Variants in SWT1 observed in about 807,000 individuals in gnomAD.
SWT1 encodes the protein transcriptional protein SWT1.
A neutral mutation model predicts 107.3 loss-of-function variants in SWT1; 33 were observed. The ratio of observed to expected loss-of-function variants is 0.31; its 90% CI spans 0.23 to 0.41. The LOEUF is 0.41. Ranked by LOEUF, SWT1 falls within the 10% of genes least tolerant of loss-of-function variation. SWT1 has a pLI of 1.00. For synonymous variants in SWT1, 345 were observed against 348.3 expected (o/e 0.99, Z 0.11); for missense variants, 898 against 1,028.9 (o/e 0.87, Z 1.74).
chr1:185,217,266 G>A lies in SWT1; in HGVS notation c.2121+2611G>A, dbSNP rs550235513. ...TAAAACAGGGGTCCACAACCCCTGG[G>A]CCATGACTGGTATTGGCATAGCAGG... On this transcript the variant is annotated intron_variant, in intron 14 of 18. Coordinates refer to ENST00000367500, the MANE Select transcript of SWT1 (RefSeq NM_017673.7). Among the ~76,000 whole-genome samples the A allele has an allele frequency of 1.3e-4, 20 of 152,266 alleles. No homozygotes were observed. The South Asian group carries it at 3.7e-3, about 28-fold the overall frequency.
chr1:185,236,941 C>G (rs1660926918), intron 16 of SWT1, among the ~76,000 whole-genome samples: 1 of 152,056 alleles, frequency 6.6e-6, no homozygotes, highest in East Asian at 1.9e-4. Flanking sequence ...ATTTATGCAG[C>G]CAACAAACAT....
intron 16 of SWT1, among the ~76,000 whole-genome samples, chr1:185,259,888 C>T (rs1299317985): frequency 6.6e-6 from 1 of 152,082 alleles, no homozygotes; most frequent in Non-Finnish European, 1.5e-5. Flanking sequence ...ATTCATATTT[C>T]CCTAAAGAGA....
At chr1:185,165,059 T>A (rs1188822561) in intron 2 of SWT1, among the ~76,000 whole-genome samples, 1 of 152,212 alleles carries the variant, frequency 6.6e-6, no homozygotes, top group African/African-American at 2.4e-5. Context: ...GGGTCATTAG[T>A]AGGCTTAATT....
intron 16 of SWT1, among the ~76,000 whole-genome samples, chr1:185,256,196 C>T (rs959299272): frequency 4.1e-4 from 63 of 151,978 alleles, no homozygotes; most frequent in African/African-American, 1.4e-3. Context: ...CGACCTTTCT[C>T]TCTGGCTGCC....
chr1:185,235,671 C>A (rs1033993410), intron 16 of SWT1, among the ~76,000 whole-genome samples: 5 of 152,188 alleles, frequency 3.3e-5, no homozygotes, highest in Non-Finnish European at 5.9e-5. Context: ...CTCACCACTC[C>A]AATTCAGCAT....
In SWT1 at chr1:185,190,450, C is replaced by G. The variant is rs1018752272; in HGVS notation, c.1430-99C>G. On this transcript the variant is annotated intron_variant, in intron 9 of 18. Coordinates refer to ENST00000367500, the MANE Select transcript of SWT1 (RefSeq NM_017673.7). ...GTATCATACCTTAACTACCTTAAAT[C>G]TCTTAGATATTTTTGTTTTGTAAAT... The G allele has an allele frequency of 5.8e-6, 4 of 683,960 alleles. No homozygotes were observed. The African/African-American group carries it at 7.2e-5, about 12-fold the overall frequency. 42.4% of individuals were successfully genotyped at this position (683,960 alleles called of 1,614,324 possible). A position where few individuals can be genotyped will look rare whatever the true frequency, so the allele number is the denominator to read the frequency against.
chr1:185,281,637 T>C (rs535099420), intron 18 of SWT1: 2 of 183,508 alleles, frequency 1.1e-5, no homozygotes, highest in East Asian at 3.0e-4. Context: ...GTGATATACT[T>C]GGCCTTGCTG....
intron 16 of SWT1, among the ~76,000 whole-genome samples, chr1:185,270,631 C>T (rs926967195): frequency 3.3e-5 from 5 of 152,084 alleles, no homozygotes; most frequent in Admixed American, 2.0e-4. Flanking sequence ...ATTGCTTGAG[C>T]CCAGGAGGTT....
At chr1:185,261,714 T>G (rs1164563634) in intron 16 of SWT1, among the ~76,000 whole-genome samples, 1 of 151,816 alleles carries the variant, frequency 6.6e-6, no homozygotes, top group African/African-American at 2.4e-5. Context: ...TAATGGATTT[T>G]GGGGTAGTAT....
intron 14 of SWT1, among the ~76,000 whole-genome samples, chr1:185,216,547 C>T (rs1200607): frequency 0.012 from 1,797 of 152,136 alleles, 30 homozygotes; most frequent in African/African-American, 0.041. Flanking sequence ...TCCTCTTCAT[C>T]GATAAAAACC....
rs1659692955 is a variant in SWT1 at position 185,221,990 on chromosome 1, A to G, written c.2263A>G (p.Ile755Val). 1.2e-6 allele frequency: 2 copies of G among 1,611,828 alleles called. No individual in the cohort carries two copies. Among genetic ancestry groups the G allele is most frequent in the South Asian group, 1.1e-5 (1 of 90,572 alleles). ...TCCCCAACCCAGCAGGCATCAAGAA[A>G]TCTGGTCTATCCTAGAGAGTGTTTG... ...HLPQPSRHQEIWSILESVWIT... is the reference protein window; with the variant it reads ...HLPQPSRHQEVWSILESVWIT... The change falls in exon 15 of 19, where the codon ATC (isoleucine) becomes GTC (valine). Residue 755 changes from isoleucine to valine, a missense_variant. This residue lies in a region of SWT1 where 382 missense variants were observed against 460.0 expected (regional missense o/e 0.83). Transcript: ENST00000367500.
chr1:185,169,558 G>A (rs559532817), intron 4 of SWT1, among the ~76,000 whole-genome samples: 5 of 152,136 alleles, frequency 3.3e-5, no homozygotes, highest in African/African-American at 9.6e-5. Context: ...TGTAATTCCT[G>A]TTCCATGATT....
At chr1:185,198,385 C>T (rs909098746) in intron 10 of SWT1, among the ~76,000 whole-genome samples, 3 of 152,036 alleles carry the variant, frequency 2.0e-5, no homozygotes, top group African/African-American at 7.2e-5. Context: ...AGAATAAGTG[C>T]AATGTGCTGA....
At chr1:185,230,948 G>A (rs142606756) in intron 15 of SWT1, among the ~76,000 whole-genome samples, 27 of 152,192 alleles carry the variant, frequency 1.8e-4, no homozygotes, top group African/African-American at 6.5e-4. Context: ...AAGGTTGAAC[G>A]ATGTTGCCTA....
intron 16 of SWT1, among the ~76,000 whole-genome samples, chr1:185,237,646 A>G (rs1039259281): frequency 7.2e-5 from 11 of 152,134 alleles, no homozygotes; most frequent in African/African-American, 2.4e-4. Flanking sequence ...GTGTATACCT[A>G]TGTAACAAAC....
chr1:185,252,244 G>C (rs572672010), intron 16 of SWT1, among the ~76,000 whole-genome samples: 20 of 152,132 alleles, frequency 1.3e-4, no homozygotes, highest in Admixed American at 1.0e-3. Context: ...ATAAACATAC[G>C]TGTGCATGTG....
intron 18 of SWT1, among the ~76,000 whole-genome samples, chr1:185,287,144 C>T (rs1017884354): frequency 1.3e-5 from 2 of 152,116 alleles, no homozygotes; most frequent in Admixed American, 6.5e-5. Context: ...TTGCATCCAG[C>T]ACTGGAATTA....
At chr1:185,209,669 G>A (rs1658612096) in intron 13 of SWT1, among the ~76,000 whole-genome samples, 2 of 152,190 alleles carry the variant, frequency 1.3e-5, no homozygotes, top group South Asian at 4.1e-4. Flanking sequence ...ATTGTGAACA[G>A]TGCCGCAGTA....
intron 10 of SWT1, among the ~76,000 whole-genome samples, chr1:185,193,413 G>T (rs1385569945): frequency 6.6e-6 from 1 of 151,076 alleles, no homozygotes; most frequent in Non-Finnish European, 1.5e-5. Flanking sequence ...AGGTCAGGTT[G>T]GTTGATAGTA....
Sources: allele counts gnomAD v4.1 joint callset (sites outside exome capture counted in the v4.1 genomes callset), GRCh38; gene constraint gnomAD v4.1.1; regional missense constraint gnomAD v4.1.1; transcripts MANE v1.5; gene names NCBI Gene and HGNC (gene_info 2026-07-23, HGNC 2026-07-21).